Variants in PHF20L1 observed in about 807,000 individuals in gnomAD.
PHF20L1 encodes the protein PHD finger protein 20-like protein 1.
A neutral mutation model predicts 125.5 loss-of-function variants in PHF20L1; 44 were observed. The observed-to-expected ratio is 0.35, with a 90% confidence interval of 0.28 to 0.45. PHF20L1 has a LOEUF of 0.45. Among genes scored for constraint, PHF20L1 ranks in the 20% least tolerant of loss-of-function variants. PHF20L1 has a pLI of 1.00. For missense variants in PHF20L1, 1,012 were observed against 1,217.2 expected, an observed-to-expected ratio of 0.83 and a Z score of 2.51; for synonymous variants, 380 against 403.1, an observed-to-expected ratio of 0.94 and a Z score of 0.69.
chr8:132,829,704 G>A (rs1288117697), intron 14 of PHF20L1, among the ~76,000 whole-genome samples: 1 of 151,992 alleles, frequency 6.6e-6, no homozygotes, highest in Non-Finnish European at 1.5e-5. Context: ...GAAATACACC[G>A]ATATCACTTA....
At chr8:132,798,916 T>A in intron 5 of PHF20L1, 56 bp downstream of exon 5, 1 of 1,205,248 alleles carries the variant, frequency 8.3e-7, no homozygotes, top group Non-Finnish European at 1.2e-6. Context: ...GAACGGTGAC[T>A]GATCAAAATA....
intron 15 of PHF20L1, among the ~76,000 whole-genome samples, chr8:132,833,616 ATAATCACATT>A (rs1837020831): frequency 1.3e-5 from 2 of 152,224 alleles, no homozygotes; most frequent in South Asian, 4.1e-4. Flanking sequence ...GCAGAGGTTG[ATAATCACATT>A]AAGAACATCC....
intron 2 of PHF20L1, among the ~76,000 whole-genome samples, chr8:132,787,325 G>A (rs892741491): frequency 5.3e-5 from 8 of 152,040 alleles, no homozygotes; most frequent in East Asian, 1.9e-4. Flanking sequence ...ACATTAATTT[G>A]CAAAGTACCT....
Position 132,817,039 on chromosome 8 carries a change from C to T in PHF20L1, c.1335C>T (p.Ile445=), listed in dbSNP as rs773300996. The change falls in exon 11 of 21, where the codon ATC becomes ATT. Residue 445 remains isoleucine (I), a synonymous_variant. Transcript: ENST00000395386. ...CCACTGATGGGAAAGTATTCTCCATCAGTTCTCAAAATCAGCAAGAATCTT... is the reference window on the plus strand; with the variant it reads ...CCACTGATGGGAAAGTATTCTCCATTAGTTCTCAAAATCAGCAAGAATCTT... ...SPATDGKVFS[I]SSQNQQESSV... The T allele has an allele frequency of 1.3e-6, 2 of 1,598,234 alleles. No individual in the cohort carries two copies. Among genetic ancestry groups the T allele is most frequent in the Non-Finnish European group, 1.7e-6 (2 of 1,172,826 alleles).
chr8:132,820,885 AT>A (rs1262515144), intron 12 of PHF20L1, among the ~76,000 whole-genome samples: 1 of 152,008 alleles, frequency 6.6e-6, no homozygotes, highest in Non-Finnish European at 1.5e-5. Flanking sequence ...TATGCATATA[AT>A]TTTGAGCCAT....
rs182255803 is a variant in PHF20L1, at chr8:132,812,418, C to A, written c.930+1290C>A. The A allele has an allele frequency of 8.1e-6, 8 of 984,974 alleles. No homozygotes were observed. In the Admixed American group the frequency reaches 4.9e-4, roughly 61 times the overall value. The allele number at this position is 984,974 out of a possible 1,614,324, so 61.0% of individuals were successfully genotyped here. Reference sequence around the variant, plus strand: ...AGTTAGTGTAGAGGGCAGTACCCGTCTTAGAGAGAAGTACAGAAAACCACG... The same window carrying A: ...AGTTAGTGTAGAGGGCAGTACCCGTATTAGAGAGAAGTACAGAAAACCACG... On this transcript the variant is annotated intron_variant, in intron 9 of 20. Transcript: ENST00000395386.
chr8:132,827,135 G>A (rs956976285), intron 14 of PHF20L1, among the ~76,000 whole-genome samples: 5 of 151,830 alleles, frequency 3.3e-5, no homozygotes, highest in African/African-American at 4.8e-5. Context: ...TGTGCCTTGC[G>A]CCTCACTCCT....
intron 9 of PHF20L1, chr8:132,811,476 A>G: frequency 1.4e-5 from 14 of 999,124 alleles, no homozygotes; most frequent in Non-Finnish European, 1.6e-5. Flanking sequence ...GTTTTTTGAC[A>G]TCGAATAAAG....
At chr8:132,828,366 A>G (rs1836420804) in intron 14 of PHF20L1, among the ~76,000 whole-genome samples, 1 of 152,028 alleles carries the variant, frequency 6.6e-6, no homozygotes, top group African/African-American at 2.4e-5. Flanking sequence ...CAGCTCTCAT[A>G]GCTAGCTAGT....
intron 4 of PHF20L1, among the ~76,000 whole-genome samples, chr8:132,795,895 C>CCT (rs1429978145): frequency 6.6e-6 from 1 of 152,002 alleles, no homozygotes; most frequent in Admixed American, 6.6e-5. Context: ...TCTCTTCCTT[C>CCT]CTCTCTCTCT....
At chr8:132,778,094 C>T (rs1004387481) in intron 2 of PHF20L1, among the ~76,000 whole-genome samples, 183 bp downstream of exon 2, 2 of 152,108 alleles carry the variant, frequency 1.3e-5, no homozygotes. Context: ...CATTTAAAAA[C>T]TATTTTTAGT....
At chr8:132,778,192 T>A (rs966370634) in intron 2 of PHF20L1, among the ~76,000 whole-genome samples, 1 of 152,192 alleles carries the variant, frequency 6.6e-6, no homozygotes, top group Non-Finnish European at 1.5e-5. Context: ...GTATACCTCA[T>A]GTATACCTCA....
intron 15 of PHF20L1, 23 bp downstream of exon 15, chr8:132,832,422 T>G (rs1329872233): frequency 6.4e-7 from 1 of 1,562,366 alleles, no homozygotes; most frequent in Non-Finnish European, 8.8e-7. Context: ...ATGTGATGGT[T>G]AAAACAAGAC....
intron 10 of PHF20L1, chr8:132,816,676 G>C: frequency 2.1e-6 from 1 of 470,474 alleles, no homozygotes. Flanking sequence ...AGTTCTAGTA[G>C]AGTGTAGATT....
Position 132,775,607 on chromosome 8 carries a change from C to T in PHF20L1, c.-76C>T, listed in dbSNP as rs976731972. 3.2e-5 allele frequency: 11 copies of T among 344,284 alleles called. No individual in the cohort carries two copies. Among genetic ancestry groups the T allele is most frequent in the Non-Finnish European group, 5.8e-5 (11 of 190,910 alleles). 21.3% of individuals were successfully genotyped at this position (344,284 alleles called of 1,614,324 possible). ...CCCTGCTCGTGCCCCAGCTCGGCCC[C>T]GGACGGCCCGGCTGCTGTGCAGAGA... On this transcript the variant is annotated 5_prime_UTR_variant, in exon 1 of 21. Coordinates refer to ENST00000395386, the MANE Select transcript of PHF20L1 (RefSeq NM_016018.5).
At chr8:132,840,947 A>G (rs1001820996) in intron 18 of PHF20L1, among the ~76,000 whole-genome samples, 3 of 152,030 alleles carry the variant, frequency 2.0e-5, no homozygotes, top group South Asian at 2.1e-4. Flanking sequence ...GTTGAATAAA[A>G]TTTGCTTCAG....
chr8:132,827,500 A>G (rs969643278), intron 14 of PHF20L1, among the ~76,000 whole-genome samples: 2 of 152,074 alleles, frequency 1.3e-5, no homozygotes, highest in Non-Finnish European at 2.9e-5. Context: ...TTAGTAGCAG[A>G]CACAGAATCT....
chr8:132,824,995 C>G, intron 13 of PHF20L1: 1 of 1,372,180 alleles, frequency 7.3e-7, no homozygotes. Flanking sequence ...GAGAATATTA[C>G]TCATTGAAGG....
At chr8:132,797,189 A>T (rs537662154) in intron 4 of PHF20L1, among the ~76,000 whole-genome samples, 9 of 152,000 alleles carry the variant, frequency 5.9e-5, no homozygotes, top group Non-Finnish European at 1.3e-4. Context: ...TAATTTTGTG[A>T]TTTCTGTATG....
Sources: allele counts gnomAD v4.1 joint callset (sites outside exome capture counted in the v4.1 genomes callset), GRCh38; gene constraint gnomAD v4.1.1; transcripts MANE v1.5; gene names NCBI Gene and HGNC (gene_info 2026-07-23, HGNC 2026-07-21).